Variants in ADORA2B observed in about 807,000 individuals in gnomAD.
ADORA2B encodes the protein adenosine receptor A2b.
ADORA2B carries 18 observed loss-of-function variants against 20.8 expected under a neutral mutation model. That is an observed-to-expected ratio of 0.87 (90% CI 0.60 to 1.29). The LOEUF is 1.29. ADORA2B is among the 50% of genes most tolerant of loss of function. The pLI is 0.00. For missense variants in ADORA2B, 441 were observed against 422.7 expected, an observed-to-expected ratio of 1.04 and a Z score of -0.38; for synonymous variants, 179 against 178.3, an observed-to-expected ratio of 1.00 and a Z score of -0.03.
At chr17:15,921,476 T>C in the ADORA2B span, among the ~76,000 whole-genome samples, 1 of 152,220 alleles carries the variant, frequency 6.6e-6, no homozygotes, top group Admixed American at 6.5e-5. Context: ...TGTAATCGTG[T>C]AAATGTTGTT....
chr17:15,868,702 C>T, the ADORA2B span, among the ~76,000 whole-genome samples: 12 of 109,490 alleles, frequency 1.1e-4, 2 homozygotes, highest in Non-Finnish European at 2.2e-4. Flanking sequence ...ATGGCATGAA[C>T]CCAGGAGGTG....
At chr17:15,909,010 C>T in the ADORA2B span, among the ~76,000 whole-genome samples, 1 of 151,904 alleles carries the variant, frequency 6.6e-6, no homozygotes, top group Non-Finnish European at 1.5e-5. Flanking sequence ...TAAAAAATAC[C>T]CTGGCTTTTG....
intron 1 of ADORA2B, among the ~76,000 whole-genome samples, chr17:15,951,395 G>A (rs73276015): frequency 6.6e-6 from 1 of 152,174 alleles, no homozygotes; most frequent in South Asian, 2.1e-4. Flanking sequence ...CACAGGCCAG[G>A]AGCCACCCTG....
At chr17:15,873,743 A>G in the ADORA2B span, among the ~76,000 whole-genome samples, 2 of 152,214 alleles carry the variant, frequency 1.3e-5, no homozygotes, top group South Asian at 4.1e-4. Flanking sequence ...TCAAGAAACA[A>G]TAAATGTTGG....
In ADORA2B at chr17:15,945,695, G is replaced by T; in HGVS notation, c.335+112G>T. 2 of 1,026,902 alleles carry T rather than the reference G, an allele frequency of 1.9e-6. 1 individual carries two copies. Among genetic ancestry groups the T allele is most frequent in the South Asian group, 3.4e-5 (2 of 58,418 alleles). 63.6% of individuals were successfully genotyped at this position (1,026,902 alleles called of 1,614,324 possible). ...GGGCCCCAGACGGGCCAGGCTGGGGGCGCGCGGGGCGCTTGGAGGGCTGGT... is the reference window on the plus strand; with the variant it reads ...GGGCCCCAGACGGGCCAGGCTGGGGTCGCGCGGGGCGCTTGGAGGGCTGGT... On this transcript the variant is annotated intron_variant, in intron 1 of 1. Transcript: ENST00000304222.
chr17:15,875,395 C>T, the ADORA2B span, among the ~76,000 whole-genome samples: 1 of 152,142 alleles, frequency 6.6e-6, no homozygotes, highest in East Asian at 1.9e-4. Flanking sequence ...TTCTTTTCAG[C>T]CCCCAGCCTC....
the ADORA2B span, among the ~76,000 whole-genome samples, chr17:15,930,032 A>G: frequency 6.6e-6 from 1 of 152,232 alleles, no homozygotes; most frequent in East Asian, 1.9e-4. Context: ...GATTGGGGAA[A>G]CTGAAGCTAT....
At chr17:15,927,047 G>C in the ADORA2B span, among the ~76,000 whole-genome samples, 1 of 152,094 alleles carries the variant, frequency 6.6e-6, no homozygotes, top group Non-Finnish European at 1.5e-5. Flanking sequence ...AGGCACAAGA[G>C]TTAAAAATAA....
At chr17:15,907,678 CA>C in the ADORA2B span, among the ~76,000 whole-genome samples, 1 of 152,022 alleles carries the variant, frequency 6.6e-6, no homozygotes, top group African/African-American at 2.4e-5. Flanking sequence ...ACAACAACAA[CA>C]AAAAACACAT....
chr17:15,884,211 A>T, the ADORA2B span, among the ~76,000 whole-genome samples: 1 of 152,138 alleles, frequency 6.6e-6, no homozygotes, highest in Non-Finnish European at 1.5e-5. Flanking sequence ...TCATCTGCAT[A>T]AAAGAGGGGA....
the ADORA2B span, among the ~76,000 whole-genome samples, chr17:15,878,934 A>T: frequency 6.6e-6 from 1 of 152,162 alleles, no homozygotes; most frequent in East Asian, 1.9e-4. Context: ...GCAAAATTCC[A>T]ATTTGGTTAT....
the ADORA2B span, among the ~76,000 whole-genome samples, chr17:15,914,076 G>A: frequency 1.3e-5 from 2 of 152,202 alleles, no homozygotes; most frequent in African/African-American, 4.8e-5. Context: ...CCCGAATCAT[G>A]GGGACATGCA....
At chr17:15,864,875 G>A in the ADORA2B span, among the ~76,000 whole-genome samples, 1 of 151,904 alleles carries the variant, frequency 6.6e-6, no homozygotes, top group Non-Finnish European at 1.5e-5. Context: ...TAGAATGGCT[G>A]TTTTCTTTGC....
Position 15,945,194 on chromosome 17 carries a change from C to T in ADORA2B, c.-55C>T. On this transcript the variant is annotated 5_prime_UTR_variant, in exon 1 of 2. Coordinates refer to ENST00000304222, the MANE Select transcript of ADORA2B (RefSeq NM_000676.4). ...ATGCCCGGCGGGTCTCACGCGGCTG[C>T]CCCTCGCCCGGCGCGCCTTCGGTAG... The T allele has an allele frequency of 7.3e-7, 1 of 1,363,138 alleles. No individual in the cohort carries two copies. Among genetic ancestry groups the T allele is most frequent in the East Asian group, 3.0e-5 (1 of 33,266 alleles). 84.4% of individuals were successfully genotyped at this position (1,363,138 alleles called of 1,614,324 possible).
chr17:15,860,380 A>G, the ADORA2B span, among the ~76,000 whole-genome samples: 10 of 152,078 alleles, frequency 6.6e-5, no homozygotes, highest in Admixed American at 6.5e-4. Flanking sequence ...TTTCTCATGT[A>G]AAAAAGTTCT....
chr17:15,922,022 G>A, the ADORA2B span, among the ~76,000 whole-genome samples: 1 of 152,246 alleles, frequency 6.6e-6, no homozygotes, highest in Non-Finnish European at 1.5e-5. Context: ...GATGACTTGT[G>A]TAGGGAATTA....
chr17:15,945,184 C>A lies in ADORA2B; in HGVS notation c.-65C>A. 7.5e-7 allele frequency: 1 copy of A among 1,335,656 alleles called. No homozygotes were observed. Among genetic ancestry groups the A allele is most frequent in the South Asian group, 1.8e-5 (1 of 55,704 alleles). The allele number at this position is 1,335,656 out of a possible 1,614,324, so 82.7% of individuals were successfully genotyped here. A position where few individuals can be genotyped will look rare whatever the true frequency, so the allele number is the denominator to read the frequency against. The stretch of plus-strand genomic sequence containing the variant: ...CGCTATGGCCATGCCCGGCGGGTCT[C>A]ACGCGGCTGCCCCTCGCCCGGCGCG... On this transcript the variant is annotated 5_prime_UTR_variant, in exon 1 of 2. Coordinates refer to ENST00000304222, the MANE Select transcript of ADORA2B (RefSeq NM_000676.4).
chr17:15,952,238 A>G (rs1161511515), intron 1 of ADORA2B, among the ~76,000 whole-genome samples: 4 of 152,124 alleles, frequency 2.6e-5, no homozygotes, highest in Admixed American at 6.5e-5. Flanking sequence ...CACTGCAGGG[A>G]CAGATATGGG....
intron 1 of ADORA2B, among the ~76,000 whole-genome samples, chr17:15,972,454 G>A (rs910587985): frequency 3.3e-5 from 5 of 152,178 alleles, no homozygotes; most frequent in Non-Finnish European, 7.3e-5. Flanking sequence ...TATGTATTAT[G>A]GACCAGTTGT....
Sources: allele counts gnomAD v4.1 joint callset (sites outside exome capture counted in the v4.1 genomes callset), GRCh38; gene constraint gnomAD v4.1.1; transcripts MANE v1.5; gene names NCBI Gene and HGNC (gene_info 2026-07-23, HGNC 2026-07-21).